FAXC: variants seen among roughly 807,000 people sequenced by gnomAD.
FAXC encodes the protein failed axon connections homolog.
A neutral mutation model predicts 41.9 loss-of-function variants in FAXC; 10 were observed. The ratio of observed to expected loss-of-function variants is 0.24; its 90% confidence interval spans 0.15 to 0.41. The LOEUF (loss-of-function observed/expected upper bound fraction) is 0.41. FAXC is among the 10% of genes least tolerant of loss of function. The probability of loss-of-function intolerance (pLI) is 1.00; values close to 1 mark genes in which losing one functional copy is unlikely to be tolerated. For missense variants in FAXC, 399 were observed against 510.9 expected (o/e 0.78, Z 2.11); for synonymous variants, 183 against 183.8 (o/e 1.00, Z 0.03).
chr6:99,338,577 G>T (rs1195978982), intron 2 of FAXC, among the ~76,000 whole-genome samples: 1 of 152,170 alleles, frequency 6.6e-6, no homozygotes, highest in Non-Finnish European at 1.5e-5. Context: ...ACAAAATTCA[G>T]GTTTTGGGCT....
In FAXC at chr6:99,343,016, T is replaced by A; in HGVS notation, c.284A>T (p.Asp95Val). The A allele has an allele frequency of 1.9e-6, 3 of 1,606,582 alleles. No homozygotes were observed. The highest frequency in any genetic ancestry group is 2.5e-6 in the Non-Finnish European group (3 of 1,178,162). The change falls in exon 2 of 6, where the codon GAC (aspartate) becomes GTC (valine). Residue 95 changes from aspartate (D) to valine (V), a missense_variant. This residue lies in a region of FAXC where 239 missense variants were observed against 352.7 expected (regional missense o/e 0.68). Transcript: ENST00000389677. ...ATGCAAAATAATAGCATCTTTAGAG[T>A]CAATCTCTTGCTGTTTCCTGTCAAA... ...LLVIRKQQEI[D>V]SKDAIILHQF...
intron 4 of FAXC, among the ~76,000 whole-genome samples, chr6:99,305,597 G>A (rs978967766): frequency 1.1e-4 from 17 of 151,574 alleles, no homozygotes; most frequent in African/African-American, 3.6e-4. Context: ...AATTTCTACC[G>A]CATTTAACTC....
Position 99,276,902 on chromosome 6 carries a change from C to T in FAXC, c.*4262G>A, listed in dbSNP as rs1770648106. 6.6e-6 allele frequency: 1 copy of T among 152,242 alleles called. No individual in the cohort carries two copies. Among genetic ancestry groups the T allele is most frequent in the Non-Finnish European group, 1.5e-5 (1 of 68,040 alleles). 9.4% of individuals were successfully genotyped at this position (152,242 alleles called of 1,614,324 possible). On this transcript the variant is annotated 3_prime_UTR_variant, in exon 6 of 6. Transcript: ENST00000389677. ...TCACTATTTAATGGTATGTGACTCA[C>T]TCTCTGAGCATCTTTCCCATGCAAC... is the stretch of plus-strand genomic sequence containing the variant.
At chr6:99,300,222 T>C (rs1265309838) in intron 4 of FAXC, among the ~76,000 whole-genome samples, 1 of 152,184 alleles carries the variant, frequency 6.6e-6, no homozygotes, top group African/African-American at 2.4e-5. Flanking sequence ...TCCTCCTCTG[T>C]ACTTTGGTCC....
At chr6:99,343,059 G>A in intron 1 of FAXC, 26 bp from the exon 2 acceptor site, 1 of 1,585,934 alleles carries the variant, frequency 6.3e-7, no homozygotes, top group South Asian at 1.2e-5. Context: ...CAGAAATAAA[G>A]TACAATCCAC....
chr6:99,313,529 C>T (rs1772225359), intron 4 of FAXC, among the ~76,000 whole-genome samples: 1 of 152,058 alleles, frequency 6.6e-6, no homozygotes, highest in Admixed American at 6.6e-5. Flanking sequence ...TTTTTATATA[C>T]AGGAGGTTGG....
chr6:99,308,228 C>A (rs1772006046), intron 4 of FAXC, among the ~76,000 whole-genome samples: 1 of 152,100 alleles, frequency 6.6e-6, no homozygotes, highest in South Asian at 2.1e-4. Flanking sequence ...ACCTGGGAGG[C>A]GGAGATTGCA....
At position 99,271,550 on chromosome 6, in the gene FAXC, G is replaced by A. The variant is rs1316793647; in HGVS notation, c.*9614C>T. ...CACTAACATGACACTCAAAGGAAAC[G>A]GACATTGGATCATTTCAGATTTCCA... is the stretch of plus-strand genomic sequence containing the variant. On this transcript the variant is annotated 3_prime_UTR_variant, in exon 6 of 6. Transcript: ENST00000389677. The A allele has an allele frequency of 1.3e-5, 2 of 152,136 alleles. No homozygotes were observed. The highest frequency in any genetic ancestry group is 4.8e-5 in the African/African-American group (2 of 41,418). The allele number at this position is 152,136 out of a possible 1,614,324, so 9.4% of individuals were successfully genotyped here.
intron 1 of FAXC, among the ~76,000 whole-genome samples, chr6:99,345,818 C>G (rs1444555759): frequency 6.6e-6 from 1 of 152,136 alleles, no homozygotes; most frequent in Non-Finnish European, 1.5e-5. Context: ...TTTCCAAAGC[C>G]TGATTGAATT....
At chr6:99,309,758 C>T (rs1240222940) in intron 4 of FAXC, 1 of 216,266 alleles carries the variant, frequency 4.6e-6, no homozygotes, top group African/African-American at 2.4e-5. Flanking sequence ...AAGTAAAGAC[C>T]CGTCAGAGTA....
At position 99,304,344 on chromosome 6, in the gene FAXC, C is replaced by T. The variant is rs867809305; in HGVS notation, c.824-12524G>A. Among the ~76,000 whole-genome samples, 4 of 151,724 alleles carry T rather than the reference C, an allele frequency of 2.6e-5. No individual in the cohort carries two copies. In the South Asian group the frequency reaches 8.4e-4, roughly 32 times the overall value. ...AAAAAACACTGTCCACAAGGAAACC[C>T]ACTCTCCCTTATATAACATCCATGG... On this transcript the variant is annotated intron_variant, in intron 4 of 5. Transcript: ENST00000389677.
At chr6:99,340,711 C>A (rs9494161) in intron 2 of FAXC, among the ~76,000 whole-genome samples, 54,222 of 142,270 alleles carry the variant, frequency 0.38, 10,546 homozygotes, top group South Asian at 0.57. Flanking sequence ...TTCTGTCACC[C>A]AGGCTGGAGT....
At chr6:99,340,851 T>C (rs1773402901) in intron 2 of FAXC, among the ~76,000 whole-genome samples, 2 of 151,916 alleles carry the variant, frequency 1.3e-5, no homozygotes, top group Admixed American at 1.3e-4. Flanking sequence ...GTATTTTTAA[T>C]AGAGATGGGG....
At chr6:99,347,086 A>AC (rs1447012735) in intron 1 of FAXC, among the ~76,000 whole-genome samples, 1 of 151,286 alleles carries the variant, frequency 6.6e-6, no homozygotes, top group East Asian at 1.9e-4. Context: ...ACATAGTGAG[A>AC]CCCCATCTCC....
rs189321103 is a variant in FAXC at position 99,331,350 on chromosome 6, G to A, written c.599+2001C>T. Among the ~76,000 whole-genome samples, 569 of 152,128 alleles carry A rather than the reference G, an allele frequency of 3.7e-3. 3 individuals carry two copies. The highest frequency in any genetic ancestry group is 0.013 in the African/African-American group (539 of 41,506). On this transcript the variant is annotated intron_variant, in intron 3 of 5. Coordinates refer to ENST00000389677, the MANE Select transcript of FAXC (RefSeq NM_032511.4). ...CCACAAAATTAAGATCTTTTCCCAC[G>A]GGGTACCACTTCCCAACTCTCACCT...
At chr6:99,336,761 C>T (rs1773231314) in intron 2 of FAXC, among the ~76,000 whole-genome samples, 1 of 152,162 alleles carries the variant, frequency 6.6e-6, no homozygotes, top group Admixed American at 6.5e-5. Context: ...GGGATAATAA[C>T]AGTTGCTAGG....
In FAXC at chr6:99,331,904, C is replaced by CT. The variant is rs560293219; in HGVS notation, c.599+1446dup. 3.0e-4 allele frequency among the ~76,000 whole-genome samples: 45 copies of CT among 152,330 alleles called. No homozygotes were observed. In the South Asian group the frequency reaches 9.3e-3, roughly 32 times the overall value. On this transcript the variant is annotated intron_variant, in intron 3 of 5. Transcript: ENST00000389677. ...TGCATGTCAGATGCAGTCATGCATT[C>CT]TGGTTCCCTGTGACTGTGACTGCTG...
At position 99,276,175 on chromosome 6, in the gene FAXC, AAAG is replaced by A. The variant is rs1200155317; in HGVS notation, c.*4986_*4988del. 2.0e-5 allele frequency: 3 copies of A among 152,254 alleles called. No homozygotes were observed. The highest frequency in any genetic ancestry group is 2.1e-4 in the South Asian group (1 of 4,826). The allele number at this position is 152,254 out of a possible 1,614,324, so 9.4% of individuals were successfully genotyped here. On this transcript the variant is annotated 3_prime_UTR_variant, in exon 6 of 6. Coordinates refer to ENST00000389677, the MANE Select transcript of FAXC (RefSeq NM_032511.4). ...AAAAAAAAAAAACCCTAAAAGAAAGAAAGAAGAATAACCTGAGTTGTTCCCTAT... is the reference window on the plus strand; with the variant it reads ...AAAAAAAAAAAACCCTAAAAGAAAGAAAGAATAACCTGAGTTGTTCCCTAT...
At chr6:99,341,642 A>G (rs1456155294) in intron 2 of FAXC, among the ~76,000 whole-genome samples, 1 of 152,244 alleles carries the variant, frequency 6.6e-6, no homozygotes, top group African/African-American at 2.4e-5. Flanking sequence ...GACAGGAAAG[A>G]GACAAATCAA....
Sources: allele counts gnomAD v4.1 joint callset (sites outside exome capture counted in the v4.1 genomes callset), GRCh38; gene constraint gnomAD v4.1.1; regional missense constraint gnomAD v4.1.1; transcripts MANE v1.5; gene names NCBI Gene and HGNC (gene_info 2026-07-23, HGNC 2026-07-21).